The following SV2C variants were observed in gnomAD, a reference collection of about 807,000 sequenced individuals.
The protein encoded by SV2C is synaptic vesicle glycoprotein 2C.
SV2C carries 49 observed loss-of-function variants against 79.7 expected under a neutral mutation model. The observed-to-expected ratio is 0.61, with a 90% CI of 0.49 to 0.78. SV2C has a LOEUF of 0.78. SV2C is among the 30% of genes least tolerant of loss of function. The probability of loss-of-function intolerance (pLI) is 0.00; values close to 1 mark genes in which losing one functional copy is unlikely to be tolerated. For synonymous variants in SV2C, 334 were observed against 333.2 expected, an observed-to-expected ratio of 1.00 and a Z score of -0.03; for missense variants, 833 against 912.9, an observed-to-expected ratio of 0.91 and a Z score of 1.13.
chr5:75,861,588 G>A, the SV2C span, among the ~76,000 whole-genome samples: 53 of 152,208 alleles, frequency 3.5e-4, no homozygotes, highest in African/African-American at 1.2e-3. Context: ...CCCATGAGTG[G>A]TGGACTGGAT....
intron 5 of SV2C, 165 bp from the exon 6 acceptor site, chr5:76,285,616 T>G: frequency 3.2e-6 from 2 of 630,894 alleles, no homozygotes; most frequent in South Asian, 2.0e-5. Flanking sequence ...GAACTGCTCA[T>G]GTATTCAGTG....
the SV2C span, among the ~76,000 whole-genome samples, chr5:75,980,616 G>T: frequency 0.26 from 38,807 of 151,922 alleles, 6,184 homozygotes; most frequent in Non-Finnish European, 0.37. Context: ...AAAAAAATAT[G>T]ATTATCTCGA....
chr5:76,049,091 T>C, the SV2C span, among the ~76,000 whole-genome samples: 1 of 151,552 alleles, frequency 6.6e-6, no homozygotes, highest in African/African-American at 2.4e-5. Context: ...TAATCCCAAC[T>C]CTTTGGGAGG....
At chr5:76,276,604 AG>A (rs5868815) in intron 4 of SV2C, among the ~76,000 whole-genome samples, 14,769 of 150,494 alleles carry the variant, frequency 0.098, 754 homozygotes, top group Admixed American at 0.15. Flanking sequence ...CTGGAATTAC[AG>A]GCATGAGCTA....
At chr5:76,265,313 C>T (rs1339136441) in intron 4 of SV2C, among the ~76,000 whole-genome samples, 7 of 152,120 alleles carry the variant, frequency 4.6e-5, no homozygotes, top group South Asian at 2.1e-4. Flanking sequence ...CCACCAAGCT[C>T]GAGTGTCCCA....
chr5:76,002,193 ATTTTC>A, the SV2C span, among the ~76,000 whole-genome samples: 4 of 150,266 alleles, frequency 2.7e-5, no homozygotes, highest in Non-Finnish European at 4.4e-5. Context: ...TATATATAAT[ATTTTC>A]TTTATGCATT....
chr5:76,014,874 A>G, the SV2C span, among the ~76,000 whole-genome samples: 1 of 152,220 alleles, frequency 6.6e-6, no homozygotes, highest in Non-Finnish European at 1.5e-5. Flanking sequence ...TAAAAAGCCT[A>G]CATAAAGTAA....
At chr5:76,336,195 G>A (rs1252405320), downstream of SV2C, among the ~76,000 whole-genome samples, 1 of 151,272 alleles carries the variant, frequency 6.6e-6, no homozygotes, top group African/African-American at 2.4e-5. Flanking sequence ...GGGCAGAGAC[G>A]CTCCTCACTT....
At chr5:75,984,711 A>C in the SV2C span, among the ~76,000 whole-genome samples, 5 of 152,078 alleles carry the variant, frequency 3.3e-5, no homozygotes, top group Non-Finnish European at 5.9e-5. Flanking sequence ...TGAGGACTGC[A>C]TAGGCAAGTC....
chr5:75,998,223 G>A, the SV2C span, among the ~76,000 whole-genome samples: 3 of 152,124 alleles, frequency 2.0e-5, no homozygotes, highest in East Asian at 5.8e-4. Context: ...GATAGCATTA[G>A]GAGATATACC....
At chr5:76,213,060 CA>C (rs1744812063) in intron 4 of SV2C, among the ~76,000 whole-genome samples, 1 of 152,178 alleles carries the variant, frequency 6.6e-6, no homozygotes, top group Admixed American at 6.5e-5. Flanking sequence ...AGGCTGACAT[CA>C]ACTTTTATGT....
the SV2C span, among the ~76,000 whole-genome samples, chr5:76,039,285 T>G: frequency 6.6e-6 from 1 of 152,238 alleles, no homozygotes. Flanking sequence ...ACAGCTCATA[T>G]CTCCTTCATG....
upstream of SV2C, chr5:76,083,248 C>T (rs1378376207): frequency 6.6e-6 from 1 of 152,546 alleles, no homozygotes; most frequent in South Asian, 2.1e-4. Context: ...ACCGCTGGTA[C>T]TCTCGCCACG....
intron 4 of SV2C, among the ~76,000 whole-genome samples, chr5:76,238,027 T>TACACACACACACAC (rs796926428): frequency 8.1e-6 from 1 of 122,812 alleles, no homozygotes; most frequent in African/African-American, 2.7e-5. Context: ...CAATCACACA[T>TACACACACACACAC]ACACACACAC....
At chr5:76,341,331 A>T (rs1033817672) in intron 12 of SV2C, among the ~76,000 whole-genome samples, 1 of 152,192 alleles carries the variant, frequency 6.6e-6, no homozygotes, top group Non-Finnish European at 1.5e-5. Context: ...TGAGCCCAGG[A>T]GTTCAAGACC....
the SV2C span, among the ~76,000 whole-genome samples, chr5:75,950,181 G>A: frequency 2.0e-5 from 3 of 152,050 alleles, no homozygotes; most frequent in African/African-American, 4.8e-5. Flanking sequence ...CATTTCTTAA[G>A]TGTATTTCAT....
the SV2C span, among the ~76,000 whole-genome samples, chr5:75,952,158 A>G: frequency 6.6e-6 from 1 of 152,024 alleles, no homozygotes; most frequent in African/African-American, 2.4e-5. Context: ...AAACAGAAAA[A>G]TGAAACAACC....
chr5:76,084,082 A>G (rs1442555640), intron 1 of SV2C: 1 of 152,292 alleles, frequency 6.6e-6, no homozygotes, highest in African/African-American at 2.4e-5. Context: ...ACTCTCCCAC[A>G]TACATTCCCG....
chr5:75,888,006 A>G, the SV2C span, among the ~76,000 whole-genome samples: 1 of 152,184 alleles, frequency 6.6e-6, no homozygotes, highest in Non-Finnish European at 1.5e-5. Context: ...TTACACATAA[A>G]CATCAATTTC....
Sources: gnomAD v4.1 joint callset for allele counts (sites outside exome capture counted in the v4.1 genomes callset) on GRCh38, gnomAD v4.1.1 for gene constraint, MANE v1.5 for transcripts, NCBI Gene and HGNC (gene_info 2026-07-23, HGNC 2026-07-21) for gene names.